SOX6: variants seen among roughly 807,000 people sequenced by gnomAD.
The protein encoded by SOX6 is transcription factor SOX-6.
Under a neutral mutation model 97.8 loss-of-function variants are expected in SOX6, and 11 were observed. The observed-to-expected ratio is 0.11, with a 90% CI of 0.07 to 0.19. The LOEUF (loss-of-function observed/expected upper bound fraction) is 0.19. Ranked by LOEUF, SOX6 falls within the 10% of genes least tolerant of loss-of-function variation. The pLI is 1.00. For synonymous variants in SOX6, 360 were observed against 371.4 expected, an observed-to-expected ratio of 0.97 and a Z score of 0.35; for missense variants, 810 against 1,039.5, an observed-to-expected ratio of 0.78 and a Z score of 3.04.
At chr11:16,339,919 T>C (rs1028507743) in intron 2 of SOX6, among the ~76,000 whole-genome samples, 4 of 152,060 alleles carry the variant, frequency 2.6e-5, no homozygotes, top group African/African-American at 9.7e-5. Flanking sequence ...GAAAAATAAA[T>C]CTTCCAGTGG....
chr11:16,174,272 A>C (rs147399694), intron 6 of SOX6, among the ~76,000 whole-genome samples: 106 of 152,046 alleles, frequency 7.0e-4, no homozygotes, highest in African/African-American at 2.4e-3. Flanking sequence ...CAAAAGTTAG[A>C]GTCCAGACTA....
At chr11:15,994,160 G>A (rs971746959) in intron 13 of SOX6, among the ~76,000 whole-genome samples, 3 of 152,066 alleles carry the variant, frequency 2.0e-5, no homozygotes, top group Non-Finnish European at 4.4e-5. Context: ...AATTACAAAC[G>A]ATGCTAACAG....
At chr11:16,211,365 G>A (rs747435757) in intron 4 of SOX6, among the ~76,000 whole-genome samples, 70 of 151,934 alleles carry the variant, frequency 4.6e-4, no homozygotes, top group Admixed American at 3.2e-3. Context: ...AAGCTAGGAG[G>A]CTTTTACAAT....
rs544223780 is a variant in SOX6 at position 16,085,698 on chromosome 11, T to C, written c.1101+10298A>G. The stretch of plus-strand genomic sequence containing the variant: ...ATAGCATTCTTATCCAATACATTAC[T>C]GTGAACATAAATGACCATAATCTGT... On this transcript the variant is annotated intron_variant, in intron 9 of 15. Transcript: ENST00000683767. Among the ~76,000 whole-genome samples, 9 of 152,304 alleles carry C rather than the reference T, an allele frequency of 5.9e-5. No homozygotes were observed. The East Asian group carries it at 1.7e-3, about 29-fold the overall frequency.
intron 4 of SOX6, among the ~76,000 whole-genome samples, chr11:16,230,906 T>C (rs1009875610): frequency 6.6e-6 from 1 of 151,230 alleles, no homozygotes; most frequent in Non-Finnish European, 1.5e-5. Context: ...GTAATCAGAG[T>C]GTAATAAAAG....
At chr11:16,343,632 T>G (rs1856700183) in intron 1 of SOX6, among the ~76,000 whole-genome samples, 1 of 151,910 alleles carries the variant, frequency 6.6e-6, no homozygotes, top group Non-Finnish European at 1.5e-5. Flanking sequence ...TCAGTCTTAA[T>G]CAGCCAATAA....
intron 6 of SOX6, among the ~76,000 whole-genome samples, chr11:16,158,410 A>C (rs1169798170): frequency 6.6e-6 from 1 of 152,040 alleles, no homozygotes; most frequent in Non-Finnish European, 1.5e-5. Context: ...TGCAACAACA[A>C]CAATTAGTGA....
At chr11:16,497,651 T>C (rs141854048) in intron 4 of SOX6, among the ~76,000 whole-genome samples, 3,030 of 152,194 alleles carry the variant, frequency 0.02, 81 homozygotes, top group African/African-American at 0.06. Context: ...AACCACGGCA[T>C]GAGAACTACG....
chr11:16,051,087 T>C (rs1847674262), intron 10 of SOX6, among the ~76,000 whole-genome samples: 1 of 151,296 alleles, frequency 6.6e-6, no homozygotes, highest in Admixed American at 6.7e-5. Flanking sequence ...TCTCTTCCAG[T>C]ACTAATATCA....
At chr11:16,195,581 T>C (rs1365334083) in intron 4 of SOX6, among the ~76,000 whole-genome samples, 2 of 152,232 alleles carry the variant, frequency 1.3e-5, no homozygotes, top group Admixed American at 6.5e-5. Context: ...TGACATCTTA[T>C]GGATGTGAAA....
At chr11:16,247,720 C>T (rs1481087494) in intron 3 of SOX6, among the ~76,000 whole-genome samples, 1 of 152,050 alleles carries the variant, frequency 6.6e-6, no homozygotes, top group Non-Finnish European at 1.5e-5. Flanking sequence ...CACATGGGGA[C>T]TATAAGAACT....
intron 3 of SOX6, among the ~76,000 whole-genome samples, chr11:16,240,416 C>T (rs771692933): frequency 1.3e-4 from 20 of 151,700 alleles, no homozygotes; most frequent in Admixed American, 6.6e-5. Flanking sequence ...GAAACCTGTA[C>T]ATACACATAC....
Position 16,686,196 on chromosome 11 carries a change from T to C in SOX6, n.429+28634A>G, listed in dbSNP as rs185182698. Among the ~76,000 whole-genome samples the C allele has an allele frequency of 1.0e-4, 16 of 152,384 alleles. No individual in the cohort carries two copies. In the East Asian group the frequency reaches 3.1e-3, roughly 29 times the overall value. On this transcript the variant is annotated intron_variant and non_coding_transcript_variant, in intron 3 of 5. Transcript: ENST00000524520. Reference sequence around the variant, plus strand: ...CCTAATTGTCTTGGCTATTAGCACATGGTTCCCTTTTAGTTATGCAAATAT... The same window carrying C: ...CCTAATTGTCTTGGCTATTAGCACACGGTTCCCTTTTAGTTATGCAAATAT...
chr11:16,125,434 T>G (rs1849586052), intron 6 of SOX6, among the ~76,000 whole-genome samples: 1 of 152,102 alleles, frequency 6.6e-6, no homozygotes, highest in South Asian at 2.1e-4. Flanking sequence ...ATCATAAAAG[T>G]ACAAAGATCG....
intron 9 of SOX6, among the ~76,000 whole-genome samples, chr11:16,092,021 A>G (rs1252652746): frequency 6.6e-6 from 1 of 152,026 alleles, no homozygotes; most frequent in African/African-American, 2.4e-5. Context: ...AGAAGTGAGC[A>G]ATCTGTCAGT....
chr11:16,250,958 G>A (rs946071791), intron 3 of SOX6, among the ~76,000 whole-genome samples: 11 of 152,106 alleles, frequency 7.2e-5, no homozygotes, highest in African/African-American at 2.7e-4. Flanking sequence ...ACCATAGAGT[G>A]TATGGCCTTT....
chr11:16,287,101 T>C (rs538510514), intron 3 of SOX6, among the ~76,000 whole-genome samples: 2 of 152,172 alleles, frequency 1.3e-5, no homozygotes, highest in Non-Finnish European at 2.9e-5. Flanking sequence ...GTTATGTAGA[T>C]GAATCTATGA....
At chr11:16,339,521 C>A (rs147887364) in intron 2 of SOX6, among the ~76,000 whole-genome samples, 7 of 152,154 alleles carry the variant, frequency 4.6e-5, no homozygotes, top group African/African-American at 1.7e-4. Flanking sequence ...GCATTCCTAA[C>A]CATTTATTCT....
At chr11:16,502,060 G>A (rs936640117) in intron 4 of SOX6, among the ~76,000 whole-genome samples, 1 of 152,048 alleles carries the variant, frequency 6.6e-6, no homozygotes, top group African/African-American at 2.4e-5. Flanking sequence ...TTGGAACCAA[G>A]CCTAATGTCC....
Sources: allele counts gnomAD v4.1 joint callset (sites outside exome capture counted in the v4.1 genomes callset), GRCh38; gene constraint gnomAD v4.1.1; transcripts MANE v1.5; gene names NCBI Gene and HGNC (gene_info 2026-07-23, HGNC 2026-07-21).